TEX36: variants seen among roughly 807,000 people sequenced by gnomAD.
TEX36 encodes testis-expressed protein 36.
Under a neutral mutation model 13.6 loss-of-function variants are expected in TEX36, and 12 were observed. The ratio of observed to expected loss-of-function variants is 0.88; its 90% CI spans 0.56 to 1.43. The LOEUF (loss-of-function observed/expected upper bound fraction) is 1.43, where lower values mean the gene tolerates loss of function less well. TEX36 is among the 40% of genes most tolerant of loss of function. The probability of loss-of-function intolerance (pLI) is 0.00; values close to 1 mark genes in which losing one functional copy is unlikely to be tolerated. For missense variants in TEX36, 224 were observed against 228.3 expected (o/e 0.98, Z 0.12); for synonymous variants, 93 against 83.0 (o/e 1.12, Z -0.65).
At chr10:125,604,502 C>A (rs541925522) in intron 3 of TEX36, among the ~76,000 whole-genome samples, 1 of 140,128 alleles carries the variant, frequency 7.1e-6, no homozygotes, top group African/African-American at 3.2e-5. Flanking sequence ...ATCATGAGAC[C>A]CCTGTCTCTA....
At chr10:125,631,104 C>A (rs555869286) in intron 3 of TEX36, among the ~76,000 whole-genome samples, 1 of 152,150 alleles carries the variant, frequency 6.6e-6, no homozygotes, top group African/African-American at 2.4e-5. Flanking sequence ...TCACCAGTAA[C>A]CCTGGAAACA....
chr10:125,648,332 TTTG>T (rs1846803622), intron 3 of TEX36, among the ~76,000 whole-genome samples: 1 of 152,168 alleles, frequency 6.6e-6, no homozygotes, highest in Admixed American at 6.5e-5. Flanking sequence ...GGCAACAACA[TTTG>T]CCGTTCTGCA....
intron 3 of TEX36, among the ~76,000 whole-genome samples, chr10:125,628,512 A>G (rs148843309): frequency 6.6e-6 from 1 of 152,324 alleles, no homozygotes; most frequent in East Asian, 1.9e-4. Flanking sequence ...ATCAGTCTCT[A>G]ATAACACTGA....
intron 1 of TEX36, among the ~76,000 whole-genome samples, chr10:125,682,730 G>A (rs532661699): frequency 2.0e-5 from 3 of 152,342 alleles, no homozygotes; most frequent in Non-Finnish European, 2.9e-5. Context: ...CCAGTGTGCT[G>A]AGCATTTTAC....
chr10:125,577,371 G>C (rs1375057213), intron 3 of TEX36, among the ~76,000 whole-genome samples: 1 of 152,156 alleles, frequency 6.6e-6, no homozygotes, highest in African/African-American at 2.4e-5. Context: ...GTTGGCGCAC[G>C]CCTGTAATCC....
intron 3 of TEX36, among the ~76,000 whole-genome samples, chr10:125,616,260 T>A (rs1045970025): frequency 6.6e-6 from 1 of 152,076 alleles, no homozygotes; most frequent in Non-Finnish European, 1.5e-5. Context: ...ATTTTTTGAA[T>A]GGTTTTTTTG....
At chr10:125,674,958 G>T (rs1847289461) in intron 1 of TEX36, among the ~76,000 whole-genome samples, 2 of 152,270 alleles carry the variant, frequency 1.3e-5, no homozygotes, top group African/African-American at 4.8e-5. Context: ...TGGGTGCATT[G>T]AGCTGGGGGA....
chr10:125,581,663 C>T (rs772273005), intron 3 of TEX36, among the ~76,000 whole-genome samples: 2 of 152,210 alleles, frequency 1.3e-5, no homozygotes, highest in Admixed American at 1.3e-4. Flanking sequence ...CTTTTTCCCC[C>T]CTAAGGTTGA....
intron 3 of TEX36, among the ~76,000 whole-genome samples, chr10:125,580,078 G>A (rs548825818): frequency 4.6e-5 from 7 of 152,206 alleles, no homozygotes; most frequent in African/African-American, 1.7e-4. Flanking sequence ...TGAACATGCA[G>A]CTCTGAAAAG....
At chr10:125,653,271 A>G (rs1480428801), downstream of TEX36, among the ~76,000 whole-genome samples, 1 of 152,160 alleles carries the variant, frequency 6.6e-6, no homozygotes, top group Admixed American at 6.5e-5. Flanking sequence ...GATTAAGAAA[A>G]TGTGGCACAT....
intron 2 of TEX36, among the ~76,000 whole-genome samples, chr10:125,661,570 C>T (rs11244597): frequency 6.6e-6 from 1 of 152,084 alleles, no homozygotes; most frequent in East Asian, 1.9e-4. Context: ...AGGAATTGGC[C>T]GGGGAGGCAG....
intron 3 of TEX36, among the ~76,000 whole-genome samples, chr10:125,599,468 G>T (rs1202536505): frequency 6.6e-6 from 1 of 152,068 alleles, no homozygotes; most frequent in Admixed American, 6.5e-5. Context: ...TTTACTTTTG[G>T]TTTTGTTTTT....
chr10:125,577,240 T>C (rs529091366), intron 3 of TEX36, among the ~76,000 whole-genome samples: 10 of 152,322 alleles, frequency 6.6e-5, no homozygotes, highest in African/African-American at 2.4e-4. Context: ...CTTATGCCTG[T>C]AATTCCAGCA....
At chr10:125,640,132 T>C in intron 3 of TEX36, 1 of 985,016 alleles carries the variant, frequency 1.0e-6, no homozygotes, top group Non-Finnish European at 1.2e-6. Context: ...ACTGGGATTG[T>C]CCCCTGCAGA....
At chr10:125,636,422 G>T (rs1304451497) in intron 3 of TEX36, among the ~76,000 whole-genome samples, 3 of 148,582 alleles carry the variant, frequency 2.0e-5, no homozygotes, top group Non-Finnish European at 4.5e-5. Flanking sequence ...CACCGTGTTA[G>T]CCAGGATGGT....
intron 3 of TEX36, among the ~76,000 whole-genome samples, chr10:125,580,265 C>T (rs1282000035): frequency 2.0e-5 from 3 of 152,150 alleles, no homozygotes; most frequent in Non-Finnish European, 4.4e-5. Context: ...ATTTCTAGTA[C>T]AGGAAAGCAA....
At chr10:125,589,156 C>T (rs935316877) in intron 3 of TEX36, among the ~76,000 whole-genome samples, 1 of 152,124 alleles carries the variant, frequency 6.6e-6, no homozygotes, top group African/African-American at 2.4e-5. Flanking sequence ...GAGAACTACC[C>T]GTTTATGTTC....
At chr10:125,614,768 C>G (rs1846336158) in intron 3 of TEX36, among the ~76,000 whole-genome samples, 1 of 152,158 alleles carries the variant, frequency 6.6e-6, no homozygotes, top group African/African-American at 2.4e-5. Flanking sequence ...GATGCAGGCT[C>G]TTTTTTGGTT....
At chr10:125,603,229 C>T (rs1846171400) in intron 3 of TEX36, among the ~76,000 whole-genome samples, 1 of 152,234 alleles carries the variant, frequency 6.6e-6, no homozygotes, top group Non-Finnish European at 1.5e-5. Flanking sequence ...CCAGAAACTA[C>T]AGGAAGGGAT....
Sources: allele counts gnomAD v4.1 joint callset (sites outside exome capture counted in the v4.1 genomes callset), GRCh38; gene constraint gnomAD v4.1.1; transcripts MANE v1.5; gene names NCBI Gene and HGNC (gene_info 2026-07-23, HGNC 2026-07-21).